The following CDH8 variants were observed in gnomAD, a reference collection of about 807,000 sequenced individuals.
CDH8 encodes cadherin-8.
A neutral mutation model predicts 68.1 loss-of-function variants in CDH8; 17 were observed. The ratio of observed to expected loss-of-function variants is 0.25; its 90% CI spans 0.17 to 0.37. CDH8 has a LOEUF of 0.37. Ranked by LOEUF, CDH8 falls within the 10% of genes least tolerant of loss-of-function variation. CDH8 has a pLI of 1.00. For synonymous variants in CDH8, 372 were observed against 365.1 expected (o/e 1.02, Z -0.21); for missense variants, 763 against 999.3 (o/e 0.76, Z 3.19).
chr16:61,871,474 T>C (rs1208840620), intron 3 of CDH8, among the ~76,000 whole-genome samples: 1 of 151,886 alleles, frequency 6.6e-6, no homozygotes, highest in Non-Finnish European at 1.5e-5. Flanking sequence ...TACCTAAGGA[T>C]CTTAAAGAGA....
chr16:61,795,539 G>A (rs1045930419), intron 7 of CDH8, among the ~76,000 whole-genome samples: 1 of 152,036 alleles, frequency 6.6e-6, no homozygotes, highest in African/African-American at 2.4e-5. Flanking sequence ...TGCAGTAAAT[G>A]AGTTGATAAA....
intron 2 of CDH8, among the ~76,000 whole-genome samples, chr16:61,945,017 T>G (rs184120525): frequency 6.6e-6 from 1 of 152,314 alleles, no homozygotes; most frequent in African/African-American, 2.4e-5. Flanking sequence ...TCATCACATT[T>G]ACTGCAATGG....
chr16:61,857,330 T>C, intron 3 of CDH8, 92 bp from the exon 4 acceptor site: 1 of 1,121,880 alleles, frequency 8.9e-7, no homozygotes, highest in Non-Finnish European at 1.3e-6. Context: ...CAGAAATCCA[T>C]GTGTAGGGAA....
chr16:61,735,172 A>T (rs1303822359), intron 8 of CDH8, among the ~76,000 whole-genome samples: 1 of 151,974 alleles, frequency 6.6e-6, no homozygotes, highest in African/African-American at 2.4e-5. Flanking sequence ...CCATCCCAAG[A>T]TCCTTACTTA....
At chr16:61,799,271 C>T (rs979719327) in intron 7 of CDH8, among the ~76,000 whole-genome samples, 16 of 152,128 alleles carry the variant, frequency 1.1e-4, no homozygotes, top group East Asian at 5.8e-4. Flanking sequence ...GGTTGACAAA[C>T]GCTAATAGGT....
At position 61,838,621 on chromosome 16, in the gene CDH8, C is replaced by A. The variant is rs74023266; in HGVS notation, c.668-13442G>T. Among the ~76,000 whole-genome samples the A allele has an allele frequency of 8.7e-4, 133 of 152,180 alleles. 2 individuals are homozygous for A. Among genetic ancestry groups the A allele is most frequent in the Admixed American group, 3.9e-4 (6 of 15,258 alleles). On this transcript the variant is annotated intron_variant, in intron 4 of 11. Transcript: ENST00000577390. ...TTCTTACAATACAAAGAATGCAAGT[C>A]CCTGATTGATTTCTGAGAAACTTGC...
intron 10 of CDH8, among the ~76,000 whole-genome samples, chr16:61,706,104 T>C (rs1248924069): frequency 6.6e-6 from 1 of 152,186 alleles, no homozygotes; most frequent in African/African-American, 2.4e-5. Flanking sequence ...GGGGAAAACA[T>C]TCCTTGAGTC....
intron 3 of CDH8, among the ~76,000 whole-genome samples, chr16:61,892,659 A>ACTTCTGC (rs1963798176): frequency 6.6e-6 from 1 of 152,094 alleles, no homozygotes; most frequent in Admixed American, 6.6e-5. Flanking sequence ...TCCATTCTTA[A>ACTTCTGC]CTTCTGCCTT....
rs1354616571 is a variant in CDH8, at chr16:61,647,658, A to T, written c.*5950T>A. 3 of 609,428 alleles carry T rather than the reference A, an allele frequency of 4.9e-6. No individual in the cohort carries two copies. The highest frequency in any genetic ancestry group is 4.0e-5 in the South Asian group (2 of 50,378). 37.8% of individuals were successfully genotyped at this position (609,428 alleles called of 1,614,324 possible). A position where few individuals can be genotyped will look rare whatever the true frequency, so the allele number is the denominator to read the frequency against. ...AATGACTCCTAAATTGTCATGGTCC[A>T]TCTTAGAGCATAATTGTTAAAATTT... On this transcript the variant is annotated 3_prime_UTR_variant, in exon 12 of 12. Transcript: ENST00000577390.
At chr16:61,958,667 G>A (rs564994286) in intron 2 of CDH8, among the ~76,000 whole-genome samples, 3 of 152,030 alleles carry the variant, frequency 2.0e-5, no homozygotes, top group Non-Finnish European at 4.4e-5. Flanking sequence ...ATAATCTTCA[G>A]AATTATTTTA....
At position 61,650,706 on chromosome 16, in the gene CDH8, T is replaced by TGTGTGTGTGAGAGAGAGA. The variant is rs745949180; in HGVS notation, c.*2901_*2902insTCTCTCTCTCACACACAC. Reference sequence around the variant, plus strand: ...GTGTGTGTGTGTGTGTGTGTGTGTGTGAGAGAGAGAGAGAGAGAGAGAGAG... The same window carrying TGTGTGTGTGAGAGAGAGA: ...GTGTGTGTGTGTGTGTGTGTGTGTGTGTGTGTGTGAGAGAGAGAGAGAGAGAGAGAGAGAGAGAGAGAG... On this transcript the variant is annotated 3_prime_UTR_variant, in exon 12 of 12. Transcript: ENST00000577390. 8 of 116,598 alleles carry TGTGTGTGTGAGAGAGAGA rather than the reference T, an allele frequency of 6.9e-5. No homozygotes were observed. The highest frequency in any genetic ancestry group is 2.7e-4 in the African/African-American group (8 of 29,796). The allele number at this position is 116,598 out of a possible 1,614,324, so 7.2% of individuals were successfully genotyped here. A position where few individuals can be genotyped will look rare whatever the true frequency, so the allele number is the denominator to read the frequency against.
intron 2 of CDH8, among the ~76,000 whole-genome samples, chr16:61,965,623 T>C (rs1000059041): frequency 1.3e-5 from 2 of 152,184 alleles, no homozygotes; most frequent in African/African-American, 4.8e-5. Flanking sequence ...TGTCTCCTGC[T>C]ACCAAACTTG....
chr16:61,890,871 T>G (rs1021569589), intron 3 of CDH8, among the ~76,000 whole-genome samples: 2 of 152,062 alleles, frequency 1.3e-5, no homozygotes, highest in African/African-American at 4.8e-5. Flanking sequence ...AGACCAATTG[T>G]AAAAGAAGAG....
chr16:61,973,378 C>T (rs544579532), intron 2 of CDH8, among the ~76,000 whole-genome samples: 3 of 152,308 alleles, frequency 2.0e-5, no homozygotes, highest in East Asian at 1.9e-4. Flanking sequence ...ATATGAAATA[C>T]GTGTTAATCA....
At chr16:61,842,054 ATTTTTTT>A (rs543607290) in intron 4 of CDH8, among the ~76,000 whole-genome samples, 1,336 of 132,388 alleles carry the variant, frequency 0.01, 28 homozygotes, top group African/African-American at 0.036. Flanking sequence ...CGCCCGGCTA[ATTTTTTT>A]TTTTTTTTTT....
rs1463619433 is a variant in CDH8 at position 61,665,714 on chromosome 16, C to T, written c.1655-9993G>A. On this transcript the variant is annotated intron_variant, in intron 10 of 11. Transcript: ENST00000577390. ...CTGTGCCTATCTGGATAACTCTTCACTTTTATCTGTGTAATTTATCCCACA... is the reference window on the plus strand; with the variant it reads ...CTGTGCCTATCTGGATAACTCTTCATTTTTATCTGTGTAATTTATCCCACA... Among the ~76,000 whole-genome samples, 3 of 151,652 alleles carry T rather than the reference C, an allele frequency of 2.0e-5. No homozygotes were observed. The East Asian group carries it at 5.9e-4, about 30-fold the overall frequency.
intron 2 of CDH8, among the ~76,000 whole-genome samples, chr16:61,937,330 G>C (rs1370399816): frequency 6.6e-6 from 1 of 152,142 alleles, no homozygotes; most frequent in Non-Finnish European, 1.5e-5. Context: ...TCTTAGATTT[G>C]TTCCCTAGAA....
At chr16:61,969,242 C>G (rs1965300973) in intron 2 of CDH8, among the ~76,000 whole-genome samples, 1 of 152,184 alleles carries the variant, frequency 6.6e-6, no homozygotes, top group African/African-American at 2.4e-5. Context: ...GGGCATCTGA[C>G]AGTGAGAATT....
Position 61,832,363 on chromosome 16 carries a change from G to C in CDH8, c.668-7184C>G, listed in dbSNP as rs184263739. On this transcript the variant is annotated intron_variant, in intron 4 of 11. Transcript: ENST00000577390. ...AGATAGATAGATAGATAGATAGATAGATAGATAGATAGATAGATACATAGA... is the reference window on the plus strand; with the variant it reads ...AGATAGATAGATAGATAGATAGATACATAGATAGATAGATAGATACATAGA... Among the ~76,000 whole-genome samples, 568 of 149,696 alleles carry C rather than the reference G, an allele frequency of 3.8e-3. 1 individual carries two copies. The highest frequency in any genetic ancestry group is 4.5e-3 in the Non-Finnish European group (308 of 67,746).
Sources: allele counts gnomAD v4.1 joint callset (sites outside exome capture counted in the v4.1 genomes callset), GRCh38; gene constraint gnomAD v4.1.1; transcripts MANE v1.5; gene names NCBI Gene and HGNC (gene_info 2026-07-23, HGNC 2026-07-21).